Variants in RASGRP2 observed in about 807,000 individuals in gnomAD.
RASGRP2 encodes the protein RAS guanyl-releasing protein 2.
A neutral mutation model predicts 71.0 loss-of-function variants in RASGRP2; 44 were observed. The ratio of observed to expected loss-of-function variants is 0.62; its 90% CI spans 0.49 to 0.80. RASGRP2 has a LOEUF of 0.80. Among genes scored for constraint, RASGRP2 ranks in the 30% least tolerant of loss-of-function variants. The pLI is 0.00. For missense variants in RASGRP2, 663 were observed against 813.4 expected (o/e 0.82, Z 2.25); for synonymous variants, 350 against 330.7 (o/e 1.06, Z -0.63).
In RASGRP2 at chr11:64,728,989, G is replaced by C; in HGVS notation, c.1645C>G (p.Arg549Gly). The C allele has an allele frequency of 1.2e-6, 2 of 1,609,108 alleles. No homozygotes were observed. Among genetic ancestry groups the C allele is most frequent in the South Asian group, 1.1e-5 (1 of 90,760 alleles). The change falls in exon 15 of 17, where the codon CGG (arginine) becomes GGG (glycine). Residue 549 changes from arginine (R) to glycine (G), a missense_variant. By Grantham distance (125) the Arg-to-Gly change is moderately radical. Coordinates refer to ENST00000394432, the MANE Select transcript of RASGRP2 (RefSeq NM_001098671.2). ...QCKDRLSVEC[R>G]RRAQSVSLEG... Reference sequence around the variant, plus strand: ...AGGCTCACACTCTGGGCCCTGCGCCGACACTCAACTGACAGGCGATCCTTG... The same window carrying C: ...AGGCTCACACTCTGGGCCCTGCGCCCACACTCAACTGACAGGCGATCCTTG...
intron 12 of RASGRP2, among the ~76,000 whole-genome samples, chr11:64,734,352 T>G (rs2057862558): frequency 6.6e-6 from 1 of 151,670 alleles, no homozygotes; most frequent in Non-Finnish European, 1.5e-5. Context: ...AGGGTCTTAC[T>G]CTGTTGCCCA....
intron 8 of RASGRP2, among the ~76,000 whole-genome samples, chr11:64,737,720 A>G (rs1244189858): frequency 6.6e-6 from 1 of 150,952 alleles, no homozygotes; most frequent in Non-Finnish European, 1.5e-5. Flanking sequence ...GAAAGAAAAG[A>G]AAAGGAAAAA....
At chr11:64,738,007 G>A (rs901039696) in intron 8 of RASGRP2, among the ~76,000 whole-genome samples, 1 of 151,928 alleles carries the variant, frequency 6.6e-6, no homozygotes, top group Non-Finnish European at 1.5e-5. Flanking sequence ...TCTCGCCACC[G>A]CACTCCAGCC....
rs1414139232 is a variant in RASGRP2 at position 64,743,292 on chromosome 11, C to T, written c.-71-355G>A. The stretch of plus-strand genomic sequence containing the variant: ...TGCAGCACCCCGCAGCTCGGCTCTG[C>T]GCCCCTCCCGCTTCCCTCCCTCCAC... On this transcript the variant is annotated intron_variant, in intron 1 of 16. Transcript: ENST00000394432. The surrounding 1 kb of genome is among the most constrained non-coding windows in gnomAD (Gnocchi z 4.9). 8.6e-6 allele frequency: 4 copies of T among 465,230 alleles called. No homozygotes were observed. The Admixed American group carries it at 9.5e-5, about 11-fold the overall frequency. 28.8% of individuals were successfully genotyped at this position (465,230 alleles called of 1,614,324 possible). A position where few individuals can be genotyped will look rare whatever the true frequency, so the allele number is the denominator to read the frequency against.
chr11:64,740,526 G>A (rs896193756), intron 5 of RASGRP2: 2 of 634,462 alleles, frequency 3.2e-6, no homozygotes, highest in South Asian at 1.5e-5. Flanking sequence ...ACAGGAGTCT[G>A]TACAAAGTGC....
intron 5 of RASGRP2, 93 bp downstream of exon 5, chr11:64,740,855 A>C: frequency 6.6e-7 from 1 of 1,511,172 alleles, no homozygotes; most frequent in Non-Finnish European, 9.2e-7. Flanking sequence ...GAGCAACATG[A>C]CCCTCACTCA....
In RASGRP2 at chr11:64,739,992, C is replaced by G. The variant is rs774789941; in HGVS notation, c.522+21G>C. ...TTCCAGCCCACATTGGACCCCTGAC[C>G]CCCCAGCCCTCGGGCCGCACCAGGA... On this transcript the variant is annotated intron_variant, in intron 6 of 16. Transcript: ENST00000394432. This position sits in a 1 kb window ranked among gnomAD's most constrained non-coding sequence, Gnocchi z 4.2. The G allele has an allele frequency of 1.2e-6, 2 of 1,613,900 alleles. No homozygotes were observed. The highest frequency in any genetic ancestry group is 1.3e-5 in the African/African-American group (1 of 74,876).
intron 12 of RASGRP2, among the ~76,000 whole-genome samples, chr11:64,731,238 C>T (rs991217420): frequency 8.6e-5 from 13 of 152,044 alleles, no homozygotes; most frequent in African/African-American, 3.1e-4. Context: ...CACCTATAAT[C>T]CCAGCTACTC....
At chr11:64,741,346 C>T in intron 4 of RASGRP2, 93 bp downstream of exon 4, 1 of 1,385,426 alleles carries the variant, frequency 7.2e-7, no homozygotes, top group South Asian at 1.2e-5. Flanking sequence ...AACCCACTCC[C>T]AGAAACAGCG....
chr11:64,734,013 C>CA, intron 12 of RASGRP2, among the ~76,000 whole-genome samples: 1 of 151,380 alleles, frequency 6.6e-6, no homozygotes, highest in Non-Finnish European at 1.5e-5. Context: ...CACCCATGCC[C>CA]AAAAAAAATT....
intron 15 of RASGRP2, 128 bp from the exon 16 acceptor site, chr11:64,727,488 G>T: frequency 1.4e-6 from 1 of 704,234 alleles, no homozygotes; most frequent in Non-Finnish European, 2.4e-6. Flanking sequence ...TCAATTCCCT[G>T]CATGACCTCA....
Position 64,740,085 on chromosome 11 carries a change from AAAC to A in RASGRP2, c.447_449del (p.Leu149del), listed in dbSNP as rs1443142900. The stretch of plus-strand genomic sequence containing the variant: ...CCAGCTCCATGGGCTCCAGGTGGTC[AAAC>A]AACAGGGACATCTTGCGCTTTTTCT... On this transcript the variant is annotated inframe_deletion, in exon 6 of 17. Coordinates refer to ENST00000394432, the MANE Select transcript of RASGRP2 (RefSeq NM_001098671.2). 5 of 1,614,162 alleles carry A rather than the reference AAAC, an allele frequency of 3.1e-6. No individual in the cohort carries two copies. Among genetic ancestry groups the A allele is most frequent in the East Asian group, 2.2e-5 (1 of 44,866 alleles).
Position 64,741,446 on chromosome 11 carries a change from G to A in RASGRP2, c.232C>T (p.Leu78=), listed in dbSNP as rs774445359. ...SNSLQVKTCH[L]VRYWISAFPA... is the part of the protein sequence containing the mutation. ...CCCAGGGGAAAGACTCACCTGACCAGGTGGCACGTTTTCACCTGCAGGGAA... is the reference window on the plus strand; with the variant it reads ...CCCAGGGGAAAGACTCACCTGACCAAGTGGCACGTTTTCACCTGCAGGGAA... The change falls in exon 4 of 17, where the codon CTG becomes TTG. Residue 78 remains leucine, a synonymous_variant. Coordinates refer to ENST00000394432, the MANE Select transcript of RASGRP2 (RefSeq NM_001098671.2). 7.0e-6 allele frequency: 11 copies of A among 1,565,128 alleles called. No homozygotes were observed. The African/African-American group carries it at 1.4e-4, about 19-fold the overall frequency.
rs960964865 is a variant in RASGRP2 at position 64,739,994 on chromosome 11, C to G, written c.522+19G>C. 1.3e-5 allele frequency: 21 copies of G among 1,613,912 alleles called. No homozygotes were observed. The highest frequency in any genetic ancestry group is 1.8e-5 in the Non-Finnish European group (21 of 1,180,024). On this transcript the variant is annotated intron_variant, in intron 6 of 16. Coordinates refer to ENST00000394432, the MANE Select transcript of RASGRP2 (RefSeq NM_001098671.2). This position sits in a 1 kb window ranked among gnomAD's most constrained non-coding sequence, Gnocchi z 4.2. Reference sequence around the variant, plus strand: ...CCAGCCCACATTGGACCCCTGACCCCCCAGCCCTCGGGCCGCACCAGGATC... The same window carrying G: ...CCAGCCCACATTGGACCCCTGACCCGCCAGCCCTCGGGCCGCACCAGGATC...
In RASGRP2 at chr11:64,742,713, T is replaced by C. The variant is rs2058171285; in HGVS notation, c.73+81A>G. 1 of 1,539,898 alleles carries C rather than the reference T, an allele frequency of 6.5e-7. No homozygotes were observed. The highest frequency in any genetic ancestry group is 1.4e-5 in the African/African-American group (1 of 73,062). On this transcript the variant is annotated intron_variant, in intron 2 of 16. Coordinates refer to ENST00000394432, the MANE Select transcript of RASGRP2 (RefSeq NM_001098671.2). The surrounding 1 kb of genome is among the most constrained non-coding windows in gnomAD (Gnocchi z 4.7). The stretch of plus-strand genomic sequence containing the variant: ...GTGGGTCCGGGTCAGGGCTGTGCCC[T>C]GGACTGTGCCTGGGAGGCAGGGACC...
rs1014763103 is a variant in RASGRP2 at position 64,735,752 on chromosome 11, G to A, written c.1174-88C>T. On this transcript the variant is annotated intron_variant, in intron 10 of 16. Transcript: ENST00000394432. The surrounding 1 kb of genome is among the most constrained non-coding windows in gnomAD (Gnocchi z 4.2). ...CAGAGAGGGGAATCCCTGGGAGAGGGAAGTCTGCCCAACACTACTGCCCTA... is the reference window on the plus strand; with the variant it reads ...CAGAGAGGGGAATCCCTGGGAGAGGAAAGTCTGCCCAACACTACTGCCCTA... 73 of 1,531,264 alleles carry A rather than the reference G, an allele frequency of 4.8e-5. No individual in the cohort carries two copies. The highest frequency in any genetic ancestry group is 6.2e-5 in the Non-Finnish European group (70 of 1,128,512). The allele number at this position is 1,531,264 out of a possible 1,614,324, so 94.9% of individuals were successfully genotyped here.
chr11:64,728,856 C>G lies in RASGRP2; in HGVS notation c.1771+7G>C, dbSNP rs761204351. 34 of 1,606,180 alleles carry G rather than the reference C, an allele frequency of 2.1e-5. No individual in the cohort carries two copies. Among genetic ancestry groups the G allele is most frequent in the Admixed American group, 1.5e-4 (9 of 59,944 alleles). ...CCACAGGCCAGTACAGAATGACTCC[C>G]TCTTACCTGGAGGCCTGGAGCCTCG... On this transcript the variant is annotated splice_region_variant and intron_variant, in intron 15 of 16. Coordinates refer to ENST00000394432, the MANE Select transcript of RASGRP2 (RefSeq NM_001098671.2).
intron 5 of RASGRP2, chr11:64,740,712 G>A: frequency 3.0e-6 from 2 of 667,768 alleles, no homozygotes; most frequent in East Asian, 5.4e-5. Context: ...CCGACGGGGA[G>A]CCGACCCAGC....
chr11:64,729,058 T>A lies in RASGRP2; in HGVS notation c.1592-16A>T. ...ACTCCACAGGCTGGGGGAGAGCAAATGGAGAGCCAGCCAGGGACATTGGTC... is the reference window on the plus strand; with the variant it reads ...ACTCCACAGGCTGGGGGAGAGCAAAAGGAGAGCCAGCCAGGGACATTGGTC... On this transcript the variant is annotated splice_polypyrimidine_tract_variant and intron_variant, in intron 14 of 16. Coordinates refer to ENST00000394432, the MANE Select transcript of RASGRP2 (RefSeq NM_001098671.2). The A allele has an allele frequency of 1.9e-6, 3 of 1,583,476 alleles. No individual in the cohort carries two copies. The highest frequency in any genetic ancestry group is 2.6e-6 in the Non-Finnish European group (3 of 1,171,196).
Sources: gnomAD v4.1 joint callset for allele counts (sites outside exome capture counted in the v4.1 genomes callset) on GRCh38, gnomAD v4.1.1 for gene constraint, Gnocchi (gnomAD v3.1) non-coding constraint, MANE v1.5 for transcripts, NCBI Gene and HGNC (gene_info 2026-07-23, HGNC 2026-07-21) for gene names.